HSD17B11: variants seen among roughly 807,000 people sequenced by gnomAD.
HSD17B11 encodes the protein estradiol 17-beta-dehydrogenase 11.
In HSD17B11, 22 loss-of-function variants were observed where a neutral mutation model predicts 27.8. That is an observed-to-expected ratio of 0.79 (90% CI 0.56 to 1.13). The LOEUF is 1.13. Among genes scored for constraint, HSD17B11 ranks in the 50% most tolerant of loss-of-function variants. The pLI is 0.00. For synonymous variants in HSD17B11, 117 were observed against 132.8 expected, an observed-to-expected ratio of 0.88 and a Z score of 0.82; for missense variants, 314 against 351.1, an observed-to-expected ratio of 0.89 and a Z score of 0.84.
chr4:87,383,357 T>G (rs902587915), intron 1 of HSD17B11, among the ~76,000 whole-genome samples: 1 of 152,078 alleles, frequency 6.6e-6, no homozygotes, highest in Non-Finnish European at 1.5e-5. Context: ...ATTTTAGGGG[T>G]CAACACTGGA....
At chr4:87,384,445 G>A (rs536498356) in intron 1 of HSD17B11, among the ~76,000 whole-genome samples, 3 of 152,138 alleles carry the variant, frequency 2.0e-5, no homozygotes, top group South Asian at 4.1e-4. Context: ...CTGTGGGGTC[G>A]GGCAAAAAAG....
chr4:87,378,895 AATATATATAAAT>A (rs1370156887), intron 2 of HSD17B11, among the ~76,000 whole-genome samples: 439 of 8,308 alleles, frequency 0.053, 40 homozygotes, highest in South Asian at 0.21. Flanking sequence ...TATATATATA[AATATATATAAAT>A]ATATATATAT....
intron 5 of HSD17B11, among the ~76,000 whole-genome samples, chr4:87,346,104 T>C (rs989861904): frequency 6.6e-6 from 1 of 152,150 alleles, no homozygotes; most frequent in Non-Finnish European, 1.5e-5. Context: ...ATCCCAGGAA[T>C]ACAAAGTGGC....
At position 87,338,817 on chromosome 4, in the gene HSD17B11, G is replaced by A. The variant is rs538458933; in HGVS notation, c.813-1451C>T. Among the ~76,000 whole-genome samples the A allele has an allele frequency of 2.2e-4, 34 of 152,276 alleles. No individual in the cohort carries two copies. The South Asian group carries it at 3.5e-3, about 16-fold the overall frequency. On this transcript the variant is annotated intron_variant, in intron 6 of 6. Transcript: ENST00000358290. ...CTCTCAAAGTGCTGGGATTACAGGC[G>A]TGAGCCACCGTGCCCAGCCCTGAGT...
At chr4:87,341,320 C>T (rs568242388) in intron 5 of HSD17B11, among the ~76,000 whole-genome samples, 4 of 152,110 alleles carry the variant, frequency 2.6e-5, no homozygotes, top group Admixed American at 2.0e-4. Flanking sequence ...TACAGATGTA[C>T]GCCACCACTC....
In HSD17B11 at chr4:87,337,229, T is replaced by C. The variant is rs200055864; in HGVS notation, c.*47A>G. Reference sequence around the variant, plus strand: ...ACATTAAAATTCTGGCACTATTAGATGACATCAACCTAAACCTGGTAAATC... The same window carrying C: ...ACATTAAAATTCTGGCACTATTAGACGACATCAACCTAAACCTGGTAAATC... On this transcript the variant is annotated 3_prime_UTR_variant, in exon 7 of 7. Coordinates refer to ENST00000358290, the MANE Select transcript of HSD17B11 (RefSeq NM_016245.5). The C allele has an allele frequency of 4.0e-4, 449 of 1,117,402 alleles. 1 individual carries two copies. The highest frequency in any genetic ancestry group is 5.9e-4 in the Non-Finnish European group (432 of 731,956). 69.2% of individuals were successfully genotyped at this position (1,117,402 alleles called of 1,614,324 possible).
In HSD17B11 at chr4:87,368,242, G is replaced by T. The variant is rs113154734; in HGVS notation, c.557+4467C>A. Among the ~76,000 whole-genome samples, 1,112 of 152,194 alleles carry T rather than the reference G, an allele frequency of 7.3e-3. 15 individuals are homozygous for T. Among genetic ancestry groups the T allele is most frequent in the African/African-American group, 0.026 (1,067 of 41,526 alleles). On this transcript the variant is annotated intron_variant, in intron 4 of 6. Transcript: ENST00000358290. ...TGAGGCAGGAGAATGGCATGAACCC[G>T]GGAGGCAGAGTTTGCAGCGAGCTGA... is the stretch of plus-strand genomic sequence containing the variant.
intron 3 of HSD17B11, among the ~76,000 whole-genome samples, chr4:87,374,097 G>C (rs1735773073): frequency 1.3e-5 from 2 of 152,118 alleles, no homozygotes; most frequent in Non-Finnish European, 2.9e-5. Flanking sequence ...GGCTGAGGCA[G>C]GCGGATCACT....
intron 1 of HSD17B11, among the ~76,000 whole-genome samples, chr4:87,388,937 C>A (rs866453323): frequency 2.0e-5 from 3 of 152,304 alleles, no homozygotes; most frequent in Middle Eastern, 3.4e-3. Flanking sequence ...ATAATAAGAA[C>A]ACTGCAGTGT....
Position 87,391,118 on chromosome 4 carries a change from A to G in HSD17B11, c.-48T>C, listed in dbSNP as rs746040469. 3 of 1,358,556 alleles carry G rather than the reference A, an allele frequency of 2.2e-6. No homozygotes were observed. The highest frequency in any genetic ancestry group is 3.0e-6 in the Non-Finnish European group (3 of 986,924). 84.2% of individuals were successfully genotyped at this position (1,358,556 alleles called of 1,614,324 possible). The stretch of plus-strand genomic sequence containing the variant: ...TGGTGTGTTTTTTTTTTTTTTTACC[A>G]CTCTAAACTGCTTTTAGAGGGTAGC... On this transcript the variant is annotated 5_prime_UTR_variant, in exon 1 of 7. Transcript: ENST00000358290.
Position 87,336,603 on chromosome 4 carries a change from C to T in HSD17B11, c.*673G>A, listed in dbSNP as rs1159543223. ...TGTTTAAGACAAAAAGATGGAAACACCAAAAGTTTAAGTGTGATCCATTTA... is the reference window on the plus strand; with the variant it reads ...TGTTTAAGACAAAAAGATGGAAACATCAAAAGTTTAAGTGTGATCCATTTA... On this transcript the variant is annotated 3_prime_UTR_variant, in exon 7 of 7. Transcript: ENST00000358290. 2 of 152,218 alleles carry T rather than the reference C, an allele frequency of 1.3e-5. No individual in the cohort carries two copies. Among genetic ancestry groups the T allele is most frequent in the African/African-American group, 2.4e-5 (1 of 41,440 alleles). The allele number at this position is 152,218 out of a possible 1,614,324, so 9.4% of individuals were successfully genotyped here. A position where few individuals can be genotyped will look rare whatever the true frequency, so the allele number is the denominator to read the frequency against.
At chr4:87,360,351 C>T (rs962480328) in intron 4 of HSD17B11, among the ~76,000 whole-genome samples, 1 of 152,180 alleles carries the variant, frequency 6.6e-6, no homozygotes, top group African/African-American at 2.4e-5. Context: ...AAGTATGCCA[C>T]GCTCTCAGAT....
At chr4:87,383,158 C>T (rs1396860066) in intron 1 of HSD17B11, among the ~76,000 whole-genome samples, 1 of 152,070 alleles carries the variant, frequency 6.6e-6, no homozygotes, top group Non-Finnish European at 1.5e-5. Context: ...GGAGATTGGT[C>T]TTGTGGAAAC....
intron 2 of HSD17B11, among the ~76,000 whole-genome samples, chr4:87,376,966 T>C (rs1438329351): frequency 2.0e-5 from 3 of 150,976 alleles, no homozygotes; most frequent in African/African-American, 4.9e-5. Flanking sequence ...TGCATCTCTA[T>C]TGAAAACACA....
At position 87,337,369 on chromosome 4, in the gene HSD17B11, A is replaced by G. The variant is rs772514784; in HGVS notation, c.813-3T>C. On this transcript the variant is annotated splice_polypyrimidine_tract_variant and splice_region_variant and intron_variant, in intron 6 of 6. Coordinates refer to ENST00000358290, the MANE Select transcript of HSD17B11 (RefSeq NM_016245.5). ...CCAGGAAACGCTCAGGAAGGATCCTAAAAGAAAGATATATGCAAATAATTA... is the reference window on the plus strand; with the variant it reads ...CCAGGAAACGCTCAGGAAGGATCCTGAAAGAAAGATATATGCAAATAATTA... 1.3e-6 allele frequency: 2 copies of G among 1,509,140 alleles called. No individual in the cohort carries two copies. The highest frequency in any genetic ancestry group is 1.7e-5 in the Admixed American group (1 of 58,416). The allele number at this position is 1,509,140 out of a possible 1,614,324, so 93.5% of individuals were successfully genotyped here.
intron 5 of HSD17B11, among the ~76,000 whole-genome samples, chr4:87,354,240 C>T (rs78535216): frequency 0.014 from 2,190 of 151,870 alleles, 49 homozygotes; most frequent in African/African-American, 0.05. Context: ...ACCTGGCGGC[C>T]GTGGATCAGC....
chr4:87,337,190 A>C lies in HSD17B11; in HGVS notation c.*86T>G, dbSNP rs1200893907. The C allele has an allele frequency of 1.2e-6, 1 of 845,050 alleles. No individual in the cohort carries two copies. Among genetic ancestry groups the C allele is most frequent in the Non-Finnish European group, 2.0e-6 (1 of 499,134 alleles). The allele number at this position is 845,050 out of a possible 1,614,324, so 52.3% of individuals were successfully genotyped here. A position where few individuals can be genotyped will look rare whatever the true frequency, so the allele number is the denominator to read the frequency against. The stretch of plus-strand genomic sequence containing the variant: ...TTGAAGAAATGGGGATAATTAGAAA[A>C]AACAGAAGTTCAAACATTAAAATTC... On this transcript the variant is annotated 3_prime_UTR_variant, in exon 7 of 7. Transcript: ENST00000358290.
intron 2 of HSD17B11, among the ~76,000 whole-genome samples, chr4:87,377,931 G>A (rs1450187290): frequency 1.7e-4 from 26 of 152,086 alleles, no homozygotes; most frequent in African/African-American, 6.0e-4. Context: ...ATTCTTATAT[G>A]CTCACTTTAA....
At chr4:87,381,493 C>T (rs998478766) in intron 2 of HSD17B11, among the ~76,000 whole-genome samples, 1 of 152,072 alleles carries the variant, frequency 6.6e-6, no homozygotes, top group African/African-American at 2.4e-5. Flanking sequence ...GAGCGTGGCT[C>T]ATGCCTATAA....
Sources: gnomAD v4.1 joint callset for allele counts (sites outside exome capture counted in the v4.1 genomes callset) on GRCh38, gnomAD v4.1.1 for gene constraint, MANE v1.5 for transcripts, NCBI Gene and HGNC (gene_info 2026-07-23, HGNC 2026-07-21) for gene names.